TOPORS: variants seen among roughly 807,000 people sequenced by gnomAD.
The protein encoded by TOPORS is E3 ubiquitin-protein ligase Topors.
TOPORS carries 25 observed loss-of-function variants against 81.4 expected under a neutral mutation model. The ratio of observed to expected loss-of-function variants is 0.31; its 90% CI spans 0.22 to 0.43. The LOEUF (loss-of-function observed/expected upper bound fraction) is 0.43. Ranked by LOEUF, TOPORS falls within the 20% of genes least tolerant of loss-of-function variation. TOPORS has a pLI of 1.00. For missense variants in TOPORS, 1,101 were observed against 1,267.0 expected (o/e 0.87, Z 1.99); for synonymous variants, 473 against 456.6 (o/e 1.04, Z -0.46).
rs1469133798 is a variant in TOPORS, at chr9:32,540,777, T to C, written c.*610A>G. The C allele has an allele frequency of 6.6e-6, 1 of 152,622 alleles. No individual in the cohort carries two copies. Among genetic ancestry groups the C allele is most frequent in the Non-Finnish European group, 1.5e-5 (1 of 68,034 alleles). 9.5% of individuals were successfully genotyped at this position (152,622 alleles called of 1,614,324 possible). ...TGCATAGGAAAATGTCTGATTCTTG[T>C]TTTAAAGTGTTACTGTTTTATTTTT... On this transcript the variant is annotated 3_prime_UTR_variant, in exon 3 of 3. Transcript: ENST00000360538.
rs761509491 is a variant in TOPORS at position 32,542,644 on chromosome 9, T to C, written c.1881A>G (p.Lys627=). 6.2e-7 allele frequency: 1 copy of C among 1,614,070 alleles called. No homozygotes were observed. Among genetic ancestry groups the C allele is most frequent in the Non-Finnish European group, 8.5e-7 (1 of 1,180,008 alleles). The change falls in exon 3 of 3, where the codon AAA becomes AAG. Residue 627 remains lysine, a synonymous_variant. Transcript: ENST00000360538. ...TGCTACTTTCCCTGCTTCTGGATCG[T>C]TTACTTTTCATTCTTTTCTTCCCAT... is the stretch of plus-strand genomic sequence containing the variant. ...KHHGKKRMKS[K]RSRSRESSRP... is the part of the protein sequence containing the mutation.
Position 32,542,114 on chromosome 9 carries a change from T to C in TOPORS, c.2411A>G (p.Glu804Gly). The C allele has an allele frequency of 6.2e-7, 1 of 1,614,152 alleles. No homozygotes were observed. Among genetic ancestry groups the C allele is most frequent in the Non-Finnish European group, 8.5e-7 (1 of 1,180,002 alleles). ...TGGCTGAGCCACTTCGTTAGTACCC[T>C]CCAAATGCCGTGTTTTGTATTTTCG... ...GKRKYKTRHL[E>G]GTNEVAQPSR... is the part of the protein sequence containing the mutation. The change falls in exon 3 of 3, where the codon GAG (glutamate) becomes GGG (glycine). Residue 804 changes from glutamate (E) to glycine (G), a missense_variant. By Grantham distance (98) the Glu-to-Gly change is moderately conservative. Around this residue, in one of 9 missense-constraint regions of TOPORS, gnomAD observed 605 missense variants for 636.1 expected, o/e 0.95. Transcript: ENST00000360538.
Position 32,541,871 on chromosome 9 carries a change from T to G in TOPORS, c.2654A>C (p.Lys885Thr), listed in dbSNP as rs182058536. The change falls in exon 3 of 3, where the codon AAA (lysine) becomes ACA (threonine). Residue 885 changes from lysine (K) to threonine (T), a missense_variant. By Grantham distance (78) the Lys-to-Thr change is moderately conservative (BLOSUM62 -1). Around this residue, in one of 9 missense-constraint regions of TOPORS, gnomAD observed 605 missense variants for 636.1 expected, o/e 0.95. Transcript: ENST00000360538. ...ATDTTKHHKK[K>T]KKKHKKKHKK... ...ATGCTTCTTCTTATGTTTCTTCTTTTTCTTTTTATGGTGTTTAGTTGTATC... is the reference window on the plus strand; with the variant it reads ...ATGCTTCTTCTTATGTTTCTTCTTTGTCTTTTTATGGTGTTTAGTTGTATC... 1.9e-6 allele frequency: 3 copies of G among 1,614,184 alleles called. No homozygotes were observed. Among genetic ancestry groups the G allele is most frequent in the Non-Finnish European group, 2.5e-6 (3 of 1,180,028 alleles).
Position 32,550,823 on chromosome 9 carries a change from C to A in TOPORS, c.149G>T (p.Arg50Leu), listed in dbSNP as rs199942543. 6.2e-7 allele frequency: 1 copy of A among 1,612,770 alleles called. No homozygotes were observed. Among genetic ancestry groups the A allele is most frequent in the South Asian group, 1.1e-5 (1 of 91,058 alleles). Residue 50 changes from arginine (R) to leucine (L), a missense_variant, in exon 2 of 3, where the codon CGG becomes CTG. Physicochemically the swap from Arg to Leu is moderately radical, Grantham distance 102. This residue lies in a region of TOPORS where 131 missense variants were observed against 101.0 expected (regional missense o/e 1.30). Coordinates refer to ENST00000360538, the MANE Select transcript of TOPORS (RefSeq NM_005802.5). ...CRHRPSFLGC[R>L]ELAASAPARP... is the part of the protein sequence containing the mutation. ...GGCTGGGGCGCTCGCCGCGAGCTCC[C>A]GGCAGCCCAGAAAGCTAGGTCGGTG...
Position 32,542,991 on chromosome 9 carries a change from T to C in TOPORS, c.1534A>G (p.Thr512Ala). The C allele has an allele frequency of 6.2e-7, 1 of 1,614,196 alleles. No individual in the cohort carries two copies. The highest frequency in any genetic ancestry group is 8.5e-7 in the Non-Finnish European group (1 of 1,180,022). ...TGCTCCTGTTCTTGTGTCTTCACTGTCTCCATTTTCTCATAAGAACCTAAG... is the reference window on the plus strand; with the variant it reads ...TGCTCCTGTTCTTGTGTCTTCACTGCCTCCATTTTCTCATAAGAACCTAAG... The part of the protein sequence containing the change: ...EDLGSYEKME[T>A]VKTQEQEQSY... The change falls in exon 3 of 3, where the codon ACA becomes GCA. Residue 512 changes from threonine to alanine, a missense_variant. Thr to Ala is a moderately conservative substitution (Grantham distance 58). Around this residue, in one of 9 missense-constraint regions of TOPORS, gnomAD observed 605 missense variants for 636.1 expected, o/e 0.95. Coordinates refer to ENST00000360538, the MANE Select transcript of TOPORS (RefSeq NM_005802.5).
Position 32,541,533 on chromosome 9 carries a change from C to A in TOPORS, c.2992G>T (p.Val998Leu). Residue 998 changes from valine (V) to leucine (L), a missense_variant, in exon 3 of 3, where the codon GTA becomes TTA. Transcript: ENST00000360538. ...GAAACAAAGGTGCTCTCTTCTCTTA[C>A]ATCGAGAGTTTGTTCAACTGAAGCT... is the stretch of plus-strand genomic sequence containing the variant. ...LAASVEQTLD[V>L]REESTFVSDL... 2 of 1,614,198 alleles carry A rather than the reference C, an allele frequency of 1.2e-6. No homozygotes were observed. Among genetic ancestry groups the A allele is most frequent in the Non-Finnish European group, 1.7e-6 (2 of 1,180,016 alleles).
At chr9:32,548,534 A>AACACAC (rs141782813) in intron 2 of TOPORS, among the ~76,000 whole-genome samples, 1 of 150,810 alleles carries the variant, frequency 6.6e-6, no homozygotes, top group Middle Eastern at 3.4e-3. Flanking sequence ...CTCACACACA[A>AACACAC]ACACACACAC....
Position 32,550,893 on chromosome 9 carries a change from C to A in TOPORS, c.79G>T (p.Gly27Cys), listed in dbSNP as rs765372018. ...EAPPPAPASE[G>C]RRRSRRVRLR... ...CGTACCCGGCGACTTCTCCGCCTACCCTCCGAAGCGGGAGCAGGCGGGGGC... is the reference window on the plus strand; with the variant it reads ...CGTACCCGGCGACTTCTCCGCCTACACTCCGAAGCGGGAGCAGGCGGGGGC... The change falls in exon 2 of 3, where the codon GGT becomes TGT. Residue 27 changes from glycine to cysteine, a missense_variant. Coordinates refer to ENST00000360538, the MANE Select transcript of TOPORS (RefSeq NM_005802.5). 2 of 1,612,974 alleles carry A rather than the reference C, an allele frequency of 1.2e-6. No individual in the cohort carries two copies. The highest frequency in any genetic ancestry group is 2.2e-5 in the South Asian group (2 of 91,084).
chr9:32,552,258 A>G (rs1821296260), intron 1 of TOPORS, 176 bp downstream of exon 1: 3 of 832,486 alleles, frequency 3.6e-6, no homozygotes, highest in Non-Finnish European at 5.9e-6. Flanking sequence ...CGATCACGTG[A>G]TACCGCCCCC....
chr9:32,552,490 G>A lies in TOPORS; in HGVS notation c.-54C>T, dbSNP rs773298924. 8.9e-6 allele frequency: 14 copies of A among 1,581,382 alleles called. No homozygotes were observed. The highest frequency in any genetic ancestry group is 1.1e-5 in the Non-Finnish European group (13 of 1,163,916). ...TGGATTTATTCAGTGGTAAGTCCCG[G>A]GGATCGCGGGCCCCCACCGTGTCGA... On this transcript the variant is annotated 5_prime_UTR_variant, in exon 1 of 3. Coordinates refer to ENST00000360538, the MANE Select transcript of TOPORS (RefSeq NM_005802.5).
Position 32,541,863 on chromosome 9 carries a change from T to C in TOPORS, c.2662A>G (p.Lys888Glu). The C allele has an allele frequency of 6.2e-7, 1 of 1,614,136 alleles. No individual in the cohort carries two copies. The highest frequency in any genetic ancestry group is 8.5e-7 in the Non-Finnish European group (1 of 1,180,032). The change falls in exon 3 of 3, where the codon AAA becomes GAA. Residue 888 changes from lysine (K) to glutamate (E), a missense_variant. By Grantham distance (56) the Lys-to-Glu change is moderately conservative (BLOSUM62 1). This residue lies in a region of TOPORS where 605 missense variants were observed against 636.1 expected (regional missense o/e 0.95). Transcript: ENST00000360538. ...TTKHHKKKKKKHKKKHKKHHG... is the reference protein window; with the variant it reads ...TTKHHKKKKKEHKKKHKKHHG... ...TGTTTCTTATGCTTCTTCTTATGTT[T>C]CTTCTTTTTCTTTTTATGGTGTTTA... is the stretch of plus-strand genomic sequence containing the variant.
Position 32,541,198 on chromosome 9 carries a change from AGG to A in TOPORS, c.*187_*188del, listed in dbSNP as rs1821050673. 5 of 568,916 alleles carry A rather than the reference AGG, an allele frequency of 8.8e-6. No homozygotes were observed. The Admixed American group carries it at 1.6e-4, about 18-fold the overall frequency. 35.2% of individuals were successfully genotyped at this position (568,916 alleles called of 1,614,324 possible). The stretch of plus-strand genomic sequence containing the variant: ...CTTCACTTAAAAGTGCATATCTTTG[AGG>A]GTGGGACATACATTTTGAACAAATA... On this transcript the variant is annotated 3_prime_UTR_variant, in exon 3 of 3. Coordinates refer to ENST00000360538, the MANE Select transcript of TOPORS (RefSeq NM_005802.5).
chr9:32,541,022 C>G lies in TOPORS; in HGVS notation c.*365G>C, dbSNP rs1821047582. 1 of 159,340 alleles carries G rather than the reference C, an allele frequency of 6.3e-6. No individual in the cohort carries two copies. Among genetic ancestry groups the G allele is most frequent in the South Asian group, 1.2e-4 (1 of 8,038 alleles). The allele number at this position is 159,340 out of a possible 1,614,324, so 9.9% of individuals were successfully genotyped here. Reference sequence around the variant, plus strand: ...CTTATAACACATTTCCAGAATAACTCTCAAAAAAAAAAAATTCAAAAATAC... The same window carrying G: ...CTTATAACACATTTCCAGAATAACTGTCAAAAAAAAAAAATTCAAAAATAC... On this transcript the variant is annotated 3_prime_UTR_variant, in exon 3 of 3. Coordinates refer to ENST00000360538, the MANE Select transcript of TOPORS (RefSeq NM_005802.5).
At position 32,542,178 on chromosome 9, in the gene TOPORS, C is replaced by T. The variant is rs148620735; in HGVS notation, c.2347G>A (p.Gly783Arg). ...SSNRSRTAST[G>R]TDRVRNEKPG... Reference sequence around the variant, plus strand: ...TTTTCATTTCTCACCCGGTCAGTCCCGGTAGATGCAGTCCTTGATCTGTTA... The same window carrying T: ...TTTTCATTTCTCACCCGGTCAGTCCTGGTAGATGCAGTCCTTGATCTGTTA... The change falls in exon 3 of 3, where the codon GGG becomes AGG. Residue 783 changes from glycine to arginine, a missense_variant. Around this residue, in one of 9 missense-constraint regions of TOPORS, gnomAD observed 605 missense variants for 636.1 expected, o/e 0.95. Coordinates refer to ENST00000360538, the MANE Select transcript of TOPORS (RefSeq NM_005802.5). 3.7e-6 allele frequency: 6 copies of T among 1,614,070 alleles called. No individual in the cohort carries two copies. The highest frequency in any genetic ancestry group is 1.3e-5 in the African/African-American group (1 of 74,924).
At chr9:32,551,187 A>G (rs1821248946) in intron 1 of TOPORS, 2 of 624,258 alleles carry the variant, frequency 3.2e-6, no homozygotes, top group Non-Finnish European at 5.7e-6. Context: ...GACCCTCCCC[A>G]TCTTGTTACT....
rs1821226798 is a variant in TOPORS at position 32,550,773 on chromosome 9, C to T, written c.198+1G>A. On this transcript the variant is annotated splice_donor_variant, in intron 2 of 2. Coordinates refer to ENST00000360538, the MANE Select transcript of TOPORS (RefSeq NM_005802.5). LOFTEE classifies it high-confidence loss of function. The stretch of plus-strand genomic sequence containing the variant: ...GTCCCATTGTTCCGAATCTCACTCA[C>T]CTCGGAGGATGCCGGCGCAGGCCTG... The T allele has an allele frequency of 6.2e-7, 1 of 1,612,794 alleles. No individual in the cohort carries two copies. Among genetic ancestry groups the T allele is most frequent in the African/African-American group, 1.3e-5 (1 of 74,922 alleles).
intron 1 of TOPORS, chr9:32,551,170 GCAGCGCGACCCTCCC>G: frequency 1.5e-6 from 1 of 652,784 alleles, no homozygotes; most frequent in Non-Finnish European, 2.7e-6. Context: ...CCGGAGGAGG[GCAGCGCGACCCTCCC>G]CATCTTGTTA....
chr9:32,541,537 G>T lies in TOPORS; in HGVS notation c.2988C>A (p.Leu996=). ...PPLAASVEQT[L]DVREESTFVS... is the part of the protein sequence containing the mutation. ...CAAAGGTGCTCTCTTCTCTTACATC[G>T]AGAGTTTGTTCAACTGAAGCTGCCA... The change falls in exon 3 of 3, where the codon CTC becomes CTA. Residue 996 remains leucine (L), a synonymous_variant. Transcript: ENST00000360538. 9 of 1,614,128 alleles carry T rather than the reference G, an allele frequency of 5.6e-6. No individual in the cohort carries two copies. The highest frequency in any genetic ancestry group is 7.6e-6 in the Non-Finnish European group (9 of 1,180,000).
intron 1 of TOPORS, chr9:32,551,189 C>A: frequency 1.6e-6 from 1 of 623,538 alleles, no homozygotes; most frequent in Non-Finnish European, 2.9e-6. Flanking sequence ...CCCTCCCCAT[C>A]TTGTTACTGG....
Sources: gnomAD v4.1 joint callset for allele counts (sites outside exome capture counted in the v4.1 genomes callset) on GRCh38, gnomAD v4.1.1 for gene constraint, gnomAD v4.1.1 regional missense constraint, MANE v1.5 for transcripts, NCBI Gene and HGNC (gene_info 2026-07-23, HGNC 2026-07-21) for gene names.